Variants in NEGR1 observed in about 807,000 individuals in gnomAD.
NEGR1 encodes neuronal growth regulator 1.
In NEGR1, 10 loss-of-function variants were observed where a neutral mutation model predicts 40.9. The observed-to-expected ratio is 0.24, with a 90% confidence interval of 0.15 to 0.42. The LOEUF (loss-of-function observed/expected upper bound fraction) is 0.42, where lower values mean the gene tolerates loss of function less well. Among genes scored for constraint, NEGR1 ranks in the 10% least tolerant of loss-of-function variants. The pLI, the probability that NEGR1 is intolerant of heterozygous loss-of-function variation, is 1.00. For synonymous variants in NEGR1, 185 were observed against 166.8 expected, an observed-to-expected ratio of 1.11 and a Z score of -0.84; for missense variants, 352 against 438.9, an observed-to-expected ratio of 0.80 and a Z score of 1.77.
chr1:71,625,235 G>T (rs11209806), intron 4 of NEGR1, among the ~76,000 whole-genome samples: 38,065 of 151,316 alleles, frequency 0.25, 5,870 homozygotes, highest in East Asian at 0.48. Flanking sequence ...TCACATTTTT[G>T]ATTTTTTTGT....
intron 1 of NEGR1, among the ~76,000 whole-genome samples, chr1:72,082,213 G>T (rs1342335439): frequency 6.6e-6 from 1 of 152,084 alleles, no homozygotes; most frequent in African/African-American, 2.4e-5. Flanking sequence ...AAGCATGGAG[G>T]GTGGCAGGTG....
At chr1:71,916,045 T>A (rs1200961516) in intron 2 of NEGR1, among the ~76,000 whole-genome samples, 1 of 152,028 alleles carries the variant, frequency 6.6e-6, no homozygotes, top group Middle Eastern at 3.2e-3. Context: ...AGCAAAATTT[T>A]CAGTATTCCC....
At chr1:71,878,612 A>G (rs1469065204) in intron 2 of NEGR1, among the ~76,000 whole-genome samples, 2 of 152,228 alleles carry the variant, frequency 1.3e-5, no homozygotes, top group East Asian at 3.8e-4. Context: ...AAAATAATAA[A>G]TAGCTGGAAA....
Position 71,999,682 on chromosome 1 carries a change from T to TATATATATATATAC in NEGR1, c.177-64372_177-64371insGTATATATATATAT, listed in dbSNP as rs1317765700. Among the ~76,000 whole-genome samples the TATATATATATATAC allele has an allele frequency of 6.9e-4, 63 of 91,704 alleles. 3 individuals are homozygous for TATATATATATATAC. The highest frequency in any genetic ancestry group is 1.1e-3 in the Non-Finnish European group (49 of 45,898). 60.2% of individuals were successfully genotyped at this position (91,704 alleles called of 152,430 possible). ...ATATATATATATATATATATATACA[T>TATATATATATATAC]ACATATTTTTGTCCGGTCTCGGAGC... On this transcript the variant is annotated intron_variant, in intron 1 of 6. Transcript: ENST00000357731.
chr1:72,247,558 C>T (rs562688336), intron 1 of NEGR1, among the ~76,000 whole-genome samples: 5 of 152,170 alleles, frequency 3.3e-5, no homozygotes, highest in Non-Finnish European at 7.3e-5. Flanking sequence ...ACACACATGA[C>T]CTTTACTCCA....
Position 71,538,715 on chromosome 1 carries a change from G to A in NEGR1, c.940+54102C>T, listed in dbSNP as rs147303369. On this transcript the variant is annotated intron_variant, in intron 6 of 6. Transcript: ENST00000357731. ...AGAGCACTGGAATAGCAGAGGCTTC[G>A]TGCATGGAGTACAATTTAGAAATCA... Among the ~76,000 whole-genome samples, 14 of 151,810 alleles carry A rather than the reference G, an allele frequency of 9.2e-5. No individual in the cohort carries two copies. The East Asian group carries it at 9.8e-4, about 11-fold the overall frequency.
chr1:71,821,969 G>C (rs770326258), intron 2 of NEGR1, among the ~76,000 whole-genome samples: 1 of 151,952 alleles, frequency 6.6e-6, no homozygotes, highest in African/African-American at 2.4e-5. Context: ...AGGAGGTCAG[G>C]TATGACCAAC....
intron 1 of NEGR1, among the ~76,000 whole-genome samples, chr1:72,271,846 T>C (rs1035227715): frequency 4.6e-5 from 7 of 151,770 alleles, no homozygotes; most frequent in Non-Finnish European, 8.8e-5. Flanking sequence ...AATGAATAAG[T>C]ATCACAACAT....
At chr1:72,108,272 AT>A (rs1444378473) in intron 1 of NEGR1, among the ~76,000 whole-genome samples, 1 of 151,620 alleles carries the variant, frequency 6.6e-6, no homozygotes, top group Non-Finnish European at 1.5e-5. Flanking sequence ...TATTTAGGTG[AT>A]TATTTCAATG....
Position 71,788,367 on chromosome 1 carries a change from C to G in NEGR1, c.410-12070G>C, listed in dbSNP as rs147205989. Among the ~76,000 whole-genome samples, 34 of 151,886 alleles carry G rather than the reference C, an allele frequency of 2.2e-4. No homozygotes were observed. In the East Asian group the frequency reaches 4.1e-3, roughly 18 times the overall value. Reference sequence around the variant, plus strand: ...AATATCAAAGAAATTGCTTTTGTGACATTAACTATATTATATTCAAAAGTA... The same window carrying G: ...AATATCAAAGAAATTGCTTTTGTGAGATTAACTATATTATATTCAAAAGTA... On this transcript the variant is annotated intron_variant, in intron 2 of 6. Coordinates refer to ENST00000357731, the MANE Select transcript of NEGR1 (RefSeq NM_173808.3).
intron 3 of NEGR1, among the ~76,000 whole-genome samples, chr1:71,730,490 T>A (rs975532329): frequency 6.7e-6 from 1 of 149,688 alleles, no homozygotes; most frequent in Non-Finnish European, 1.5e-5. Flanking sequence ...TGCAAATTAC[T>A]ATCATAATTT....
At chr1:72,210,805 T>C (rs1248240438) in intron 1 of NEGR1, among the ~76,000 whole-genome samples, 2 of 151,896 alleles carry the variant, frequency 1.3e-5, no homozygotes, top group African/African-American at 2.4e-5. Flanking sequence ...CAAAGTGCAA[T>C]ATAAACCAAC....
At position 71,652,542 on chromosome 1, in the gene NEGR1, C is replaced by A. The variant is rs531818217; in HGVS notation, c.668-41396G>T. On this transcript the variant is annotated intron_variant, in intron 4 of 6. Coordinates refer to ENST00000357731, the MANE Select transcript of NEGR1 (RefSeq NM_173808.3). Reference sequence around the variant, plus strand: ...AGTAGTTACTACAGACACCATAGGGCCAACAAAGCCTAAAATATTTACTAT... The same window carrying A: ...AGTAGTTACTACAGACACCATAGGGACAACAAAGCCTAAAATATTTACTAT... Among the ~76,000 whole-genome samples, 9 of 152,220 alleles carry A rather than the reference C, an allele frequency of 5.9e-5. No individual in the cohort carries two copies. The South Asian group carries it at 8.3e-4, about 14-fold the overall frequency.
At chr1:72,205,383 C>T (rs1653355821) in intron 1 of NEGR1, among the ~76,000 whole-genome samples, 1 of 151,494 alleles carries the variant, frequency 6.6e-6, no homozygotes. Flanking sequence ...GATTCTCAGG[C>T]CTTTATCTAG....
chr1:71,476,954 C>G (rs80272662), intron 6 of NEGR1: 95 of 152,048 alleles, frequency 6.2e-4, no homozygotes, highest in Middle Eastern at 3.4e-3. Flanking sequence ...TGGGAACATC[C>G]AAAGTTATAC....
chr1:71,853,403 T>C (rs1570433285), intron 2 of NEGR1, among the ~76,000 whole-genome samples: 1 of 152,108 alleles, frequency 6.6e-6, no homozygotes, highest in South Asian at 2.1e-4. Context: ...TTAATAATTA[T>C]GCGATTTATA....
chr1:71,730,877 CGTGTGTGTGTGTGTGTGTGTGT>C (rs59873481), intron 3 of NEGR1, among the ~76,000 whole-genome samples: 23 of 130,072 alleles, frequency 1.8e-4, no homozygotes, highest in Admixed American at 1.4e-3. Flanking sequence ...GTGAAGCATT[CGTGTGTGTGTGTGTGTGTGTGT>C]GTGTGTGTGT....
chr1:71,636,574 A>G (rs993434996), intron 4 of NEGR1, among the ~76,000 whole-genome samples: 5 of 152,108 alleles, frequency 3.3e-5, no homozygotes, highest in African/African-American at 1.2e-4. Context: ...CTCCAATGGA[A>G]AGGTTCCATA....
At chr1:71,752,891 A>T (rs1655617054) in intron 3 of NEGR1, among the ~76,000 whole-genome samples, 1 of 152,164 alleles carries the variant, frequency 6.6e-6, no homozygotes, top group Non-Finnish European at 1.5e-5. Context: ...AATCTTAGTC[A>T]TTTTGATGTG....
Sources: gnomAD v4.1 joint callset for allele counts (sites outside exome capture counted in the v4.1 genomes callset) on GRCh38, gnomAD v4.1.1 for gene constraint, MANE v1.5 for transcripts, NCBI Gene and HGNC (gene_info 2026-07-23, HGNC 2026-07-21) for gene names.